The following TWIST2 variants were observed in gnomAD, a reference collection of about 807,000 sequenced individuals.
TWIST2 encodes twist-related protein 2.
In TWIST2, 1 loss-of-function variant was observed where a neutral mutation model predicts 11.6. The observed-to-expected ratio is 0.09, with a 90% CI of 0.03 to 0.41. The LOEUF (loss-of-function observed/expected upper bound fraction) is 0.41. Ranked by LOEUF, TWIST2 falls within the 10% of genes least tolerant of loss-of-function variation. TWIST2 has a pLI of 0.98. For missense variants in TWIST2, 168 were observed against 226.4 expected, an observed-to-expected ratio of 0.74 and a Z score of 1.66; for synonymous variants, 87 against 96.6, an observed-to-expected ratio of 0.90 and a Z score of 0.58.
chr2:238,878,320 C>G (rs921255877), intron 1 of TWIST2, among the ~76,000 whole-genome samples: 6 of 152,230 alleles, frequency 3.9e-5, no homozygotes, highest in African/African-American at 1.4e-4. Flanking sequence ...AGGCAGCCCA[C>G]TCTTGCCTTT....
chr2:238,893,893 C>G (rs938540742), intron 1 of TWIST2, among the ~76,000 whole-genome samples: 12 of 152,184 alleles, frequency 7.9e-5, no homozygotes, highest in African/African-American at 2.9e-4. Flanking sequence ...CGCCGTCCTC[C>G]TGCTAGCAGG....
rs969489450 is a variant in TWIST2 at position 238,863,452 on chromosome 2, G to A, written c.*35+14719G>A. ...AGCGCGGCTCCCTGATGGAGCTGGC[G>A]ACGTCCTTTGGCAGTGAGGGCTGTG... On this transcript the variant is annotated intron_variant, in intron 1 of 1. Transcript: ENST00000612363. This position sits in a 1 kb window ranked among gnomAD's most constrained non-coding sequence, Gnocchi z 4.7. Among the ~76,000 whole-genome samples, 3 of 152,190 alleles carry A rather than the reference G, an allele frequency of 2.0e-5. No individual in the cohort carries two copies. Among genetic ancestry groups the A allele is most frequent in the Admixed American group, 6.5e-5 (1 of 15,278 alleles).
At chr2:238,889,952 GGGTGGAGGCTGCCCAGCCTGGCC>G (rs1693103047) in intron 1 of TWIST2, among the ~76,000 whole-genome samples, 1 of 41,560 alleles carries the variant, frequency 2.4e-5, no homozygotes, top group African/African-American at 7.6e-5. Flanking sequence ...AGAGCTGCCT[GGGTGGAGGCTGCCCAGCCTGGCC>G]TGTGCGGAGG....
In TWIST2 at chr2:238,887,072, C is replaced by G. The variant is rs1693051067; in HGVS notation, c.*36-22770C>G. 2.0e-5 allele frequency: 3 copies of G among 152,168 alleles called. No individual in the cohort carries two copies. In the South Asian group the frequency reaches 6.2e-4, roughly 32 times the overall value. The allele number at this position is 152,168 out of a possible 1,614,324, so 9.4% of individuals were successfully genotyped here. A position where few individuals can be genotyped will look rare whatever the true frequency, so the allele number is the denominator to read the frequency against. On this transcript the variant is annotated intron_variant, in intron 1 of 1. Coordinates refer to ENST00000612363, the MANE Select transcript of TWIST2 (RefSeq NM_001271893.4). Reference sequence around the variant, plus strand: ...TGAAGCAGAGACTCTGGTGCTGACTCTATCATTTGAGCTCCTAAGGGTACT... The same window carrying G: ...TGAAGCAGAGACTCTGGTGCTGACTGTATCATTTGAGCTCCTAAGGGTACT...
intron 1 of TWIST2, among the ~76,000 whole-genome samples, chr2:238,890,059 C>T (rs370703469): frequency 1.1e-4 from 17 of 152,312 alleles, no homozygotes; most frequent in African/African-American, 4.1e-4. Context: ...GCTTAGTTTT[C>T]GAGGACAGCT....
intron 1 of TWIST2, among the ~76,000 whole-genome samples, chr2:238,870,135 CCACACCCCATACACACCACACCCCA>C (rs1692624453): frequency 3.9e-5 from 3 of 77,174 alleles, no homozygotes; most frequent in Admixed American, 1.5e-4. Flanking sequence ...CACACACACA[CCACACCCCATACACACCACACCCCA>C]CACACACCAC....
chr2:238,905,896 CGTGTGTGCGT>C (rs1324548943), intron 1 of TWIST2, among the ~76,000 whole-genome samples: 20 of 139,326 alleles, frequency 1.4e-4, no homozygotes, highest in Admixed American at 4.2e-4. Context: ...CGCGCATGCG[CGTGTGTGCGT>C]GTGTGTGCGT....
intron 1 of TWIST2, among the ~76,000 whole-genome samples, chr2:238,882,284 G>A (rs373129901): frequency 3.7e-4 from 56 of 152,266 alleles, no homozygotes; most frequent in African/African-American, 1.3e-3. Flanking sequence ...TGTGCTTCCC[G>A]AGAGCGTGGG....
chr2:238,866,485 C>T lies in TWIST2; in HGVS notation c.*35+17752C>T, dbSNP rs1044927096. Among the ~76,000 whole-genome samples, 8 of 152,142 alleles carry T rather than the reference C, an allele frequency of 5.3e-5. No homozygotes were observed. Among genetic ancestry groups the T allele is most frequent in the Non-Finnish European group, 1.0e-4 (7 of 68,042 alleles). The stretch of plus-strand genomic sequence containing the variant: ...CAGCCTGGCCAACATGGTGAAACCC[C>T]GTCTCTGCCAAAAATAGAAAAATTA... On this transcript the variant is annotated intron_variant, in intron 1 of 1. Coordinates refer to ENST00000612363, the MANE Select transcript of TWIST2 (RefSeq NM_001271893.4). This position sits in a 1 kb window ranked among gnomAD's most constrained non-coding sequence, Gnocchi z 4.9.
intron 1 of TWIST2, among the ~76,000 whole-genome samples, chr2:238,883,229 C>G (rs4129102): frequency 6.6e-6 from 1 of 151,886 alleles, no homozygotes; most frequent in South Asian, 2.1e-4. Flanking sequence ...GGGCTGGTGA[C>G]GGTTCCTCCC....
chr2:238,870,530 C>T, intron 1 of TWIST2, among the ~76,000 whole-genome samples: 1 of 136,046 alleles, frequency 7.4e-6, no homozygotes, highest in Non-Finnish European at 1.6e-5. Flanking sequence ...ACAAACCACA[C>T]ACCCTACATA....
chr2:238,885,753 A>G (rs1693022827), intron 1 of TWIST2, among the ~76,000 whole-genome samples: 1 of 152,206 alleles, frequency 6.6e-6, no homozygotes, highest in Non-Finnish European at 1.5e-5. Context: ...TACATTTTAA[A>G]GTATATTTGT....
chr2:238,907,943 T>A (rs1227793029), intron 1 of TWIST2, among the ~76,000 whole-genome samples: 3 of 103,958 alleles, frequency 2.9e-5, no homozygotes, highest in South Asian at 3.4e-4. Context: ...CAAACACACA[T>A]CACATGGCAC....
intron 1 of TWIST2, among the ~76,000 whole-genome samples, chr2:238,878,705 T>C (rs1692852079): frequency 6.6e-6 from 1 of 152,300 alleles, no homozygotes; most frequent in Non-Finnish European, 1.5e-5. Flanking sequence ...CTGAGAACAA[T>C]AGCAATGCAC....
chr2:238,893,857 C>G (rs1693177444), intron 1 of TWIST2, among the ~76,000 whole-genome samples: 1 of 152,178 alleles, frequency 6.6e-6, no homozygotes, highest in Non-Finnish European at 1.5e-5. Context: ...CTTCTGAAGT[C>G]CTGGACCCTG....
At chr2:238,856,881 A>T (rs1447368057) in intron 1 of TWIST2, among the ~76,000 whole-genome samples, 1 of 152,192 alleles carries the variant, frequency 6.6e-6, no homozygotes, top group African/African-American at 2.4e-5. Flanking sequence ...GCCGCTGCAG[A>T]CACAGTCACT....
intron 1 of TWIST2, among the ~76,000 whole-genome samples, chr2:238,906,510 A>G (rs1165620851): frequency 6.6e-6 from 1 of 152,064 alleles, no homozygotes; most frequent in African/African-American, 2.4e-5. Context: ...ACATGCTCAC[A>G]CACATGCATG....
rs543976509 is a variant in TWIST2, at chr2:238,863,542, G to T, written c.*35+14809G>T. ...GTTCCCAAATGGCGCTTCATGATGG[G>T]ACTGGCGCTCATCCTCACACTGTTA... On this transcript the variant is annotated intron_variant, in intron 1 of 1. Coordinates refer to ENST00000612363, the MANE Select transcript of TWIST2 (RefSeq NM_001271893.4). The surrounding 1 kb of genome is among the most constrained non-coding windows in gnomAD (Gnocchi z 4.7). Among the ~76,000 whole-genome samples, 1 of 152,142 alleles carries T rather than the reference G, an allele frequency of 6.6e-6. No individual in the cohort carries two copies. Among genetic ancestry groups the T allele is most frequent in the South Asian group, 2.1e-4 (1 of 4,828 alleles).
At chr2:238,894,829 T>C (rs1027915016) in intron 1 of TWIST2, among the ~76,000 whole-genome samples, 1 of 152,222 alleles carries the variant, frequency 6.6e-6, no homozygotes, top group African/African-American at 2.4e-5. Context: ...AACATAACTG[T>C]CACCTTCCCT....
Sources: gnomAD v4.1 joint callset for allele counts (sites outside exome capture counted in the v4.1 genomes callset) on GRCh38, gnomAD v4.1.1 for gene constraint, Gnocchi (gnomAD v3.1) non-coding constraint, MANE v1.5 for transcripts, NCBI Gene and HGNC (gene_info 2026-07-23, HGNC 2026-07-21) for gene names.